The following NHSL1 variants were observed in gnomAD, a reference collection of about 807,000 sequenced individuals.
NHSL1 encodes the protein NHS like 1.
Under a neutral mutation model 95.0 loss-of-function variants are expected in NHSL1, and 48 were observed. The ratio of observed to expected loss-of-function variants is 0.51; its 90% CI spans 0.40 to 0.64. The LOEUF (loss-of-function observed/expected upper bound fraction) is 0.64. Among genes scored for constraint, NHSL1 ranks in the 30% least tolerant of loss-of-function variants. The pLI is 0.00. For synonymous variants in NHSL1, 783 were observed against 833.9 expected, an observed-to-expected ratio of 0.94 and a Z score of 1.05; for missense variants, 1,971 against 2,077.7, an observed-to-expected ratio of 0.95 and a Z score of 1.00.
intron 1 of NHSL1, among the ~76,000 whole-genome samples, chr6:138,520,305 T>G (rs1468719200): frequency 1.4e-5 from 2 of 144,096 alleles, no homozygotes; most frequent in Non-Finnish European, 3.0e-5. Flanking sequence ...TTTTTTTTTT[T>G]TTGAGATGGA....
chr6:138,490,020 A>C (rs370507730), intron 2 of NHSL1, among the ~76,000 whole-genome samples: 183 of 151,132 alleles, frequency 1.2e-3, no homozygotes, highest in African/African-American at 4.2e-3. Context: ...GAAAAAAGAA[A>C]GGCAAGCAAG....
chr6:138,518,353 A>G (rs1267100339), intron 1 of NHSL1, among the ~76,000 whole-genome samples: 1 of 151,150 alleles, frequency 6.6e-6, no homozygotes, highest in Non-Finnish European at 1.5e-5. Flanking sequence ...GTTTCTTTCC[A>G]TGGACTCTCT....
chr6:138,447,697 C>T lies in NHSL1; in HGVS notation c.340-504G>A, dbSNP rs1461318975. Among the ~76,000 whole-genome samples, 5 of 151,994 alleles carry T rather than the reference C, an allele frequency of 3.3e-5. No homozygotes were observed. In the East Asian group the frequency reaches 5.8e-4, roughly 18 times the overall value. On this transcript the variant is annotated intron_variant, in intron 3 of 7. Coordinates refer to ENST00000343505, the MANE Select transcript of NHSL1 (RefSeq NM_001144060.2). ...CTGAGGCAGGAGGATTGCTTGAACC[C>T]GGGAGGCAGAGGTTGCAGTGAGCCA...
intron 2 of NHSL1, among the ~76,000 whole-genome samples, chr6:138,485,558 T>TC (rs1473951975): frequency 1.3e-5 from 2 of 151,768 alleles, no homozygotes; most frequent in Non-Finnish European, 1.5e-5. Context: ...AACTTCCCTC[T>TC]CCCGAGTTAA....
intron 1 of NHSL1, among the ~76,000 whole-genome samples, chr6:138,673,639 G>A (rs961529573): frequency 1.3e-5 from 2 of 152,122 alleles, no homozygotes; most frequent in Non-Finnish European, 2.9e-5. Flanking sequence ...AAAGAAAAAT[G>A]TGACCTCTCA....
In NHSL1 at chr6:138,586,872, C is replaced by T. The variant is rs1044587796; in HGVS notation, c.97-90501G>A. Reference sequence around the variant, plus strand: ...AGGCCCAACTGAAACTGCATCAGTGCTTTCATTCTCACCCATGGCTGAACA... The same window carrying T: ...AGGCCCAACTGAAACTGCATCAGTGTTTTCATTCTCACCCATGGCTGAACA... On this transcript the variant is annotated intron_variant, in intron 1 of 3. Transcript: ENST00000491526. 2.0e-5 allele frequency among the ~76,000 whole-genome samples: 3 copies of T among 151,898 alleles called. No homozygotes were observed. The East Asian group carries it at 5.8e-4, about 30-fold the overall frequency.
At chr6:138,467,403 C>T (rs985777273) in intron 3 of NHSL1, among the ~76,000 whole-genome samples, 16 of 152,306 alleles carry the variant, frequency 1.1e-4, no homozygotes, top group African/African-American at 1.9e-4. Context: ...CCGCCCGCCT[C>T]GGCCTCCCAA....
chr6:138,665,507 T>C (rs532522991), intron 1 of NHSL1, among the ~76,000 whole-genome samples: 7 of 152,300 alleles, frequency 4.6e-5, no homozygotes, highest in African/African-American at 1.7e-4. Flanking sequence ...GCCTGTCCTT[T>C]GCACTTTACC....
chr6:138,499,271 G>A lies in NHSL1; in HGVS notation c.20C>T (p.Ala7Val), dbSNP rs1309785295. The change falls in exon 1 of 8, where the codon GCA (alanine) becomes GTA (valine). Residue 7 changes from alanine (A) to valine (V), a missense_variant. By Grantham distance (64) the Ala-to-Val change is moderately conservative. Transcript: ENST00000343505. ...AAGTTTAATTAAAGACTTAATCTTTGCATTAATGAAGACCACCATTTCCAG... is the reference window on the plus strand; with the variant it reads ...AAGTTTAATTAAAGACTTAATCTTTACATTAATGAAGACCACCATTTCCAG... MVVFIN[A>V]KIKSLIKLFK... 6.4e-7 allele frequency: 1 copy of A among 1,550,418 alleles called. No individual in the cohort carries two copies. Among genetic ancestry groups the A allele is most frequent in the South Asian group, 1.2e-5 (1 of 84,040 alleles).
intron 1 of NHSL1, among the ~76,000 whole-genome samples, chr6:138,551,016 G>T (rs1345339247): frequency 1.3e-5 from 2 of 152,094 alleles, no homozygotes; most frequent in African/African-American, 2.4e-5. Context: ...GTCAACTGAG[G>T]TCCAAAAATA....
intron 1 of NHSL1, among the ~76,000 whole-genome samples, chr6:138,594,953 C>A (rs1405928068): frequency 2.6e-5 from 4 of 151,968 alleles, no homozygotes; most frequent in African/African-American, 9.7e-5. Context: ...AGACCCTGTT[C>A]CCCAGCACAA....
At chr6:138,576,222 T>G (rs1014027431), upstream of NHSL1, among the ~76,000 whole-genome samples, 1 of 152,038 alleles carries the variant, frequency 6.6e-6, no homozygotes, top group Non-Finnish European at 1.5e-5. Context: ...AAACTCCTGA[T>G]GTCAGGTGAT....
Position 138,433,135 on chromosome 6 carries a change from G to T in NHSL1, c.1210C>A (p.Pro404Thr), listed in dbSNP as rs538202096. ...ATGCTGGTGGAGTAGGTTGCATGAGGAGAAACCACACACGCTGGGCTCATT... is the reference window on the plus strand; with the variant it reads ...ATGCTGGTGGAGTAGGTTGCATGAGTAGAAACCACACACGCTGGGCTCATT... ...NIMSPACVVSPHATYSTSIIP... is the reference protein window; with the variant it reads ...NIMSPACVVSTHATYSTSIIP... The change falls in exon 6 of 8, where the codon CCT (proline) becomes ACT (threonine). Residue 404 changes from proline (P) to threonine (T), a missense_variant. Coordinates refer to ENST00000343505, the MANE Select transcript of NHSL1 (RefSeq NM_001144060.2). 1.4e-5 allele frequency: 21 copies of T among 1,551,044 alleles called. No homozygotes were observed. Among genetic ancestry groups the T allele is most frequent in the Non-Finnish European group, 1.8e-5 (21 of 1,146,940 alleles).
intron 1 of NHSL1, among the ~76,000 whole-genome samples, chr6:138,509,454 A>G (rs540017094): frequency 8.5e-5 from 13 of 152,238 alleles, no homozygotes; most frequent in Non-Finnish European, 1.6e-4. Flanking sequence ...GGTAAAACCT[A>G]CAAAGAATCT....
intron 1 of NHSL1, among the ~76,000 whole-genome samples, chr6:138,652,934 G>A (rs1235417522): frequency 6.6e-6 from 1 of 152,194 alleles, no homozygotes; most frequent in Non-Finnish European, 1.5e-5. Flanking sequence ...CACTGGGATT[G>A]AGGTTAGCTA....
At chr6:138,501,970 T>C (rs933953048), upstream of NHSL1, among the ~76,000 whole-genome samples, 5 of 152,154 alleles carry the variant, frequency 3.3e-5, no homozygotes, top group South Asian at 1.0e-3. Flanking sequence ...TTATTGTGGT[T>C]TTTTCCCCAA....
chr6:138,436,366 T>C (rs1776100009), intron 5 of NHSL1, among the ~76,000 whole-genome samples: 1 of 152,208 alleles, frequency 6.6e-6, no homozygotes. Flanking sequence ...TTTAATGGTC[T>C]GGACAGAAAA....
intron 7 of NHSL1, among the ~76,000 whole-genome samples, chr6:138,427,950 T>C (rs995417246): frequency 3.9e-5 from 6 of 152,236 alleles, no homozygotes; most frequent in Non-Finnish European, 8.8e-5. Context: ...TGGCTTTGAC[T>C]TCTCTCATAC....
intron 1 of NHSL1, among the ~76,000 whole-genome samples, chr6:138,545,131 C>T (rs9376354): frequency 0.25 from 38,436 of 151,558 alleles, 5,851 homozygotes; most frequent in Middle Eastern, 0.46. Context: ...GCTGGGATTA[C>T]AGGCACCCGC....
Sources: gnomAD v4.1 joint callset for allele counts (sites outside exome capture counted in the v4.1 genomes callset) on GRCh38, gnomAD v4.1.1 for gene constraint, MANE v1.5 for transcripts, NCBI Gene and HGNC (gene_info 2026-07-23, HGNC 2026-07-21) for gene names.